Variants in LCORL observed in about 807,000 individuals in gnomAD.
LCORL encodes the protein ligand dependent nuclear receptor corepressor like, also known as ligand-dependent nuclear receptor corepressor-like protein.
LCORL carries 41 observed loss-of-function variants against 141.8 expected under a neutral mutation model. The ratio of observed to expected loss-of-function variants is 0.29; its 90% CI spans 0.23 to 0.38. The LOEUF is 0.38. LCORL is among the 10% of genes least tolerant of loss of function. LCORL has a pLI of 1.00. For missense variants in LCORL, 1,759 were observed against 2,035.0 expected (o/e 0.86, Z 2.61); for synonymous variants, 618 against 694.1 (o/e 0.89, Z 1.72).
chr4:18,013,685 AC>A (rs1189618948), intron 1 of LCORL, among the ~76,000 whole-genome samples: 1 of 152,222 alleles, frequency 6.6e-6, no homozygotes, highest in Non-Finnish European at 1.5e-5. Flanking sequence ...AGACTACTGG[AC>A]AAAATTACGT....
chr4:17,927,435 T>C (rs1161175206), intron 4 of LCORL, among the ~76,000 whole-genome samples: 2 of 152,348 alleles, frequency 1.3e-5, no homozygotes, highest in East Asian at 1.9e-4. Flanking sequence ...GAACTTTTCC[T>C]TTACATACAC....
intron 4 of LCORL, among the ~76,000 whole-genome samples, chr4:17,937,280 C>T (rs1304124937): frequency 3.9e-5 from 6 of 152,180 alleles, no homozygotes; most frequent in Non-Finnish European, 5.9e-5. Context: ...TACAACTCAA[C>T]GAAACAAGCT....
Position 17,884,057 on chromosome 4 carries a change from G to C in LCORL, c.776+2011C>G, listed in dbSNP as rs1727955855. 1 of 1,550,638 alleles carries C rather than the reference G, an allele frequency of 6.4e-7. No individual in the cohort carries two copies. Among genetic ancestry groups the C allele is most frequent in the Admixed American group, 2.0e-5 (1 of 50,898 alleles). The stretch of plus-strand genomic sequence containing the variant: ...GGTTCCATCAACTGTTCCATTTTTA[G>C]AATTAAGACACAAAGGAGAGAGGTC... On this transcript the variant is annotated intron_variant, in intron 6 of 7. Coordinates refer to ENST00000635767, the Ensembl canonical transcript of LCORL. This position sits in a 1 kb window ranked among gnomAD's most constrained non-coding sequence, Gnocchi z 4.4.
intron 4 of LCORL, among the ~76,000 whole-genome samples, chr4:17,955,155 G>A (rs1712336853): frequency 6.6e-6 from 1 of 152,136 alleles, no homozygotes; most frequent in Non-Finnish European, 1.5e-5. Flanking sequence ...CAAGGATCAT[G>A]TGAAAGAAGC....
At chr4:17,999,422 C>A (rs1721553324) in intron 1 of LCORL, among the ~76,000 whole-genome samples, 1 of 151,466 alleles carries the variant, frequency 6.6e-6, no homozygotes. Context: ...CCACTGCACT[C>A]CAGCCTGGGA....
At chr4:17,909,412 AT>A in intron 4 of LCORL, 67 bp from the exon 5 acceptor site, 3 of 1,179,130 alleles carry the variant, frequency 2.5e-6, no homozygotes, top group Non-Finnish European at 3.5e-6. Context: ...ATTTAAATTT[AT>A]TTTTATTACA....
At position 17,842,326 on chromosome 4, in the gene LCORL, A is replaced by T. The variant is rs141340196; in HGVS notation, c.*3562T>A. 3.1e-5 allele frequency: 50 copies of T among 1,612,114 alleles called. No individual in the cohort carries two copies. The Middle Eastern group carries it at 6.6e-4, about 21-fold the overall frequency. Reference sequence around the variant, plus strand: ...ATCTTCAAGGACAGAGAAAAGTGACAGTTTCAGCTAGGACGAACAGGAGGT... The same window carrying T: ...ATCTTCAAGGACAGAGAAAAGTGACTGTTTCAGCTAGGACGAACAGGAGGT... On this transcript the variant is annotated 3_prime_UTR_variant, in exon 8 of 8. Transcript: ENST00000635767.
At chr4:17,893,449 A>C (rs1729414258) in intron 5 of LCORL, 3 of 985,270 alleles carry the variant, frequency 3.0e-6, no homozygotes, top group Non-Finnish European at 2.4e-6. Flanking sequence ...AAATTATGCA[A>C]ACAGTTTACA....
chr4:17,949,008 T>C (rs139290856), intron 4 of LCORL, among the ~76,000 whole-genome samples: 10 of 152,164 alleles, frequency 6.6e-5, no homozygotes, highest in Non-Finnish European at 1.2e-4. Context: ...TTAACAGATA[T>C]CTGGCTTTGT....
intron 5 of LCORL, among the ~76,000 whole-genome samples, chr4:17,887,865 T>G (rs575471474): frequency 6.6e-6 from 1 of 152,196 alleles, no homozygotes; most frequent in South Asian, 2.1e-4. Flanking sequence ...CACTTGGAAT[T>G]GGTTTCCTCT....
intron 5 of LCORL, among the ~76,000 whole-genome samples, chr4:17,897,915 C>T (rs1730246016): frequency 6.6e-6 from 1 of 152,158 alleles, no homozygotes; most frequent in African/African-American, 2.4e-5. Context: ...GGTTTAGGTT[C>T]AATGCCACTG....
At chr4:17,961,951 T>C (rs763002655) in exon 4 of LCORL, 3 of 1,610,732 alleles carry the variant, frequency 1.9e-6, no homozygotes, top group Non-Finnish European at 2.5e-6. Flanking sequence ...TGGCATTCAA[T>C]CTTATCAGTG....
intron 1 of LCORL, among the ~76,000 whole-genome samples, chr4:18,011,784 C>T (rs1017886865): frequency 2.6e-5 from 4 of 152,316 alleles, no homozygotes; most frequent in Admixed American, 2.0e-4. Context: ...GCAATAGAGA[C>T]CAGATGGCCC....
chr4:17,869,543 T>TC (rs1323727567), intron 7 of LCORL, among the ~76,000 whole-genome samples: 40 of 152,286 alleles, frequency 2.6e-4, no homozygotes, highest in African/African-American at 9.6e-4. Context: ...CTCCAGGCTT[T>TC]CCTCTTACCT....
intron 2 of LCORL, among the ~76,000 whole-genome samples, chr4:17,965,203 C>T (rs1409609568): frequency 6.6e-6 from 1 of 151,986 alleles, no homozygotes; most frequent in Non-Finnish European, 1.5e-5. Context: ...AAATGTATAG[C>T]TTTATAGCTT....
intron 3 of LCORL, 96 bp downstream of exon 3, chr4:17,962,872 CTG>C: frequency 1.9e-6 from 1 of 532,150 alleles, no homozygotes. Context: ...TAAACTTCCA[CTG>C]TGAGTCACAA....
chr4:17,970,767 A>G (rs1048747580), intron 2 of LCORL, among the ~76,000 whole-genome samples: 1 of 152,210 alleles, frequency 6.6e-6, no homozygotes, highest in African/African-American at 2.4e-5. Flanking sequence ...CATGGGAAAG[A>G]CTGAAAACAT....
chr4:17,892,991 T>TGA (rs1281035097), intron 5 of LCORL, among the ~76,000 whole-genome samples: 1 of 152,208 alleles, frequency 6.6e-6, no homozygotes, highest in African/African-American at 2.4e-5. Flanking sequence ...ACCATGCATT[T>TGA]GAGACTCCTT....
chr4:17,858,667 G>A (rs1372824529), intron 7 of LCORL, among the ~76,000 whole-genome samples: 2 of 151,838 alleles, frequency 1.3e-5, no homozygotes, highest in South Asian at 2.1e-4. Context: ...GGTGGAGGTT[G>A]CGGTGAGCCA....
Sources: allele counts gnomAD v4.1 joint callset (sites outside exome capture counted in the v4.1 genomes callset), GRCh38; gene constraint gnomAD v4.1.1; non-coding constraint Gnocchi (gnomAD v3.1); transcripts MANE v1.5; gene names NCBI Gene and HGNC (gene_info 2026-07-23, HGNC 2026-07-21).